The following PCDH11X variants were observed in gnomAD, a reference collection of about 807,000 sequenced individuals.
PCDH11X encodes protocadherin 11 X-linked.
In PCDH11X, 18 loss-of-function variants were observed where a neutral mutation model predicts 53.3. That is an observed-to-expected ratio of 0.34 (90% CI 0.23 to 0.50). The LOEUF is 0.50. PCDH11X is among the 20% of genes least tolerant of loss of function. PCDH11X has a pLI of 0.98. For synonymous variants in PCDH11X, 279 were observed against 393.3 expected (o/e 0.71, Z 3.44); for missense variants, 570 against 1,032.4 (o/e 0.55, Z 6.14).
chrX:92,476,442 A>G (rs1170558472), intron 10 of PCDH11X, among the ~76,000 whole-genome samples: 1 of 101,534 alleles, frequency 9.8e-6, no homozygotes, highest in Non-Finnish European at 2.0e-5. Flanking sequence ...AGACTTCTAA[A>G]TTTCTTCTCT....
chrX:92,103,541 A>G (rs2064309130), intron 6 of PCDH11X, among the ~76,000 whole-genome samples: 1 of 111,710 alleles, frequency 9.0e-6, no homozygotes, highest in Non-Finnish European at 1.9e-5. Flanking sequence ...TCAGTCAGAG[A>G]GCCCTGGGCC....
At chrX:92,443,866 C>T (rs1260427640) in intron 9 of PCDH11X, among the ~76,000 whole-genome samples, 1 of 111,526 alleles carries the variant, frequency 9.0e-6, no homozygotes, top group African/African-American at 3.3e-5. Flanking sequence ...TCTGGGTTCT[C>T]TATCCTGTTT....
At chrX:92,192,445 C>T (rs1008315795) in intron 6 of PCDH11X, among the ~76,000 whole-genome samples, 1 of 110,927 alleles carries the variant, frequency 9.0e-6, no homozygotes, top group Non-Finnish European at 1.9e-5. Flanking sequence ...TGGGTTCAAG[C>T]GATTCTCCTG....
intron 7 of PCDH11X, among the ~76,000 whole-genome samples, chrX:92,260,642 A>T (rs1374701938): frequency 9.0e-6 from 1 of 111,132 alleles, no homozygotes; most frequent in African/African-American, 3.3e-5. Context: ...TTTTGGGGCA[A>T]CTATCAGTGG....
At chrX:91,997,245 G>A (rs775731472) in intron 6 of PCDH11X, among the ~76,000 whole-genome samples, 244 of 109,522 alleles carry the variant, frequency 2.2e-3, no homozygotes, top group African/African-American at 7.8e-3. Context: ...GGGACTTCTA[G>A]TACTATGTTG....
At chrX:92,186,759 C>T (rs1249312111) in intron 6 of PCDH11X, among the ~76,000 whole-genome samples, 1 of 110,688 alleles carries the variant, frequency 9.0e-6, no homozygotes, top group Non-Finnish European at 1.9e-5. Flanking sequence ...GCTTTCATAG[C>T]ACTGTAGGGT....
chrX:91,915,021 A>C (rs2147809001), intron 6 of PCDH11X, among the ~76,000 whole-genome samples: 1 of 109,506 alleles, frequency 9.1e-6, no homozygotes. Flanking sequence ...CTATAAAGGA[A>C]AACCTATCAA....
intron 9 of PCDH11X, chrX:92,420,677 T>A (rs1222952532): frequency 5.8e-6 from 1 of 173,466 alleles, no homozygotes; most frequent in African/African-American, 3.1e-5. Flanking sequence ...TAATTCAAAT[T>A]ATTGTTCCAT....
intron 8 of PCDH11X, among the ~76,000 whole-genome samples, chrX:92,293,589 C>G (rs1272167961): frequency 1.9e-5 from 2 of 103,577 alleles, no homozygotes; most frequent in African/African-American, 7.4e-5. Context: ...CGCCACTGCA[C>G]TCCAGCCTGG....
chrX:92,462,919 A>G (rs2073081470), intron 9 of PCDH11X, among the ~76,000 whole-genome samples: 1 of 110,930 alleles, frequency 9.0e-6, no homozygotes. Flanking sequence ...TGACAATGTA[A>G]TTAGTGAAGT....
chrX:92,351,209 T>C (rs975207426), intron 8 of PCDH11X, among the ~76,000 whole-genome samples: 1 of 112,064 alleles, frequency 8.9e-6, no homozygotes, highest in African/African-American at 3.2e-5. Flanking sequence ...CAAGACTCAC[T>C]TCTTATAAAC....
At chrX:92,614,331 A>AT (rs764081627) in intron 10 of PCDH11X, among the ~76,000 whole-genome samples, 41 of 107,166 alleles carry the variant, frequency 3.8e-4, no homozygotes, top group East Asian at 1.2e-3. Flanking sequence ...TAACATTATT[A>AT]TTTTTTTTTT....
chrX:92,101,813 G>A (rs932099764), intron 6 of PCDH11X, among the ~76,000 whole-genome samples: 6 of 110,607 alleles, frequency 5.4e-5, no homozygotes, highest in Non-Finnish European at 7.6e-5. Flanking sequence ...AAGGGAGGGG[G>A]CCTGAATAAT....
intron 6 of PCDH11X, among the ~76,000 whole-genome samples, chrX:92,180,955 G>T (rs1051019908): frequency 9.1e-6 from 1 of 110,231 alleles, no homozygotes; most frequent in East Asian, 2.9e-4. Context: ...CAGTAGAGTG[G>T]GACGCTGCTG....
chrX:92,056,285 T>C (rs2063447990), intron 6 of PCDH11X, among the ~76,000 whole-genome samples: 1 of 112,031 alleles, frequency 8.9e-6, no homozygotes, highest in Admixed American at 9.5e-5. Context: ...TAATGATCAG[T>C]GATTTTGATC....
At chrX:91,844,991 A>G (rs1331911141) in intron 5 of PCDH11X, among the ~76,000 whole-genome samples, 2 of 111,534 alleles carry the variant, frequency 1.8e-5, no homozygotes, top group Non-Finnish European at 3.8e-5. Flanking sequence ...TAGAGAAACA[A>G]TTTAATGGAC....
At chrX:91,975,397 T>C (rs1477612944) in intron 6 of PCDH11X, among the ~76,000 whole-genome samples, 1 of 111,785 alleles carries the variant, frequency 8.9e-6, no homozygotes, top group East Asian at 2.8e-4. Flanking sequence ...AATCTTAAGA[T>C]GTCAATTAGA....
At chrX:91,822,969 T>C (rs1428483228) in intron 4 of PCDH11X, among the ~76,000 whole-genome samples, 1 of 110,417 alleles carries the variant, frequency 9.1e-6, no homozygotes, top group East Asian at 2.9e-4. Context: ...TCAGTTTCCA[T>C]GTAGTTGAGC....
chrX:92,268,118 C>T (rs1426818396), intron 8 of PCDH11X, among the ~76,000 whole-genome samples: 3 of 112,044 alleles, frequency 2.7e-5, no homozygotes, highest in Non-Finnish European at 5.6e-5. Flanking sequence ...TGGTATATTT[C>T]TGAAGAGATA....
Sources: allele counts gnomAD v4.1 joint callset (sites outside exome capture counted in the v4.1 genomes callset), GRCh38; gene constraint gnomAD v4.1.1; transcripts MANE v1.5; gene names NCBI Gene and HGNC (gene_info 2026-07-23, HGNC 2026-07-21).